PCYOX1: variants seen among roughly 807,000 people sequenced by gnomAD.
PCYOX1 encodes prenylcysteine oxidase 1.
In PCYOX1, 46 loss-of-function variants were observed where a neutral mutation model predicts 46.4. The ratio of observed to expected loss-of-function variants is 0.99; its 90% CI spans 0.78 to 1.27. The LOEUF (loss-of-function observed/expected upper bound fraction) is 1.27, where lower values mean the gene tolerates loss of function less well. Among genes scored for constraint, PCYOX1 ranks in the 50% most tolerant of loss-of-function variants. The pLI, the probability that PCYOX1 is intolerant of heterozygous loss-of-function variation, is 0.00. For missense variants in PCYOX1, 658 were observed against 628.3 expected (o/e 1.05, Z -0.51); for synonymous variants, 220 against 231.8 (o/e 0.95, Z 0.46).
Position 70,259,361 on chromosome 2 carries a change from G to A in PCYOX1, c.114G>A (p.Ala38=). The change falls in exon 2 of 6, where the codon GCG becomes GCA. Residue 38 remains alanine (A), a splice_region_variant and synonymous_variant. Transcript: ENST00000433351. Reference sequence around the variant, plus strand: ...ATCTTCTGTTTTTTTCCCTCATAGCGATTATTGGAGCCGGAATTGGTGGCA... The same window carrying A: ...ATCTTCTGTTTTTTTCCCTCATAGCAATTATTGGAGCCGGAATTGGTGGCA... ...AELRAPPDKI[A]IIGAGIGGTS... is the part of the protein sequence containing the mutation. The A allele has an allele frequency of 6.2e-7, 1 of 1,613,324 alleles. No homozygotes were observed. The highest frequency in any genetic ancestry group is 8.5e-7 in the Non-Finnish European group (1 of 1,179,404).
In PCYOX1 at chr2:70,280,676, T is replaced by G. The variant is rs1696760500; in HGVS notation, c.*3284T>G. On this transcript the variant is annotated 3_prime_UTR_variant, in exon 6 of 6. Transcript: ENST00000433351. ...TATAAAGAGTTGCTGAAAAATGGAG[T>G]AACAGTGTATGGGACTTCACATCAG... is the stretch of plus-strand genomic sequence containing the variant. The G allele has an allele frequency of 6.6e-6, 1 of 152,158 alleles. No individual in the cohort carries two copies. Among genetic ancestry groups the G allele is most frequent in the Non-Finnish European group, 1.5e-5 (1 of 68,032 alleles). 9.4% of individuals were successfully genotyped at this position (152,158 alleles called of 1,614,324 possible).
rs370425089 is a variant in PCYOX1 at position 70,275,616 on chromosome 2, T to C, written c.809T>C (p.Ile270Thr). 1.4e-5 allele frequency: 22 copies of C among 1,614,050 alleles called. No homozygotes were observed. The highest frequency in any genetic ancestry group is 1.6e-4 in the Middle Eastern group (1 of 6,084). ...GLLQASKSNL[I>T]SGSVMYIEEK... Reference sequence around the variant, plus strand: ...CTGCAGGCATCCAAAAGCAATCTTATATCTGGCTCAGTAATGTACATCGAG... The same window carrying C: ...CTGCAGGCATCCAAAAGCAATCTTACATCTGGCTCAGTAATGTACATCGAG... The change falls in exon 5 of 6, where the codon ATA becomes ACA. Residue 270 changes from isoleucine (I) to threonine (T), a missense_variant. By Grantham distance (89) the Ile-to-Thr change is moderately conservative. Coordinates refer to ENST00000433351, the MANE Select transcript of PCYOX1 (RefSeq NM_016297.4).
At position 70,277,254 on chromosome 2, in the gene PCYOX1, A is replaced by T. The variant is rs778690575; in HGVS notation, c.1380A>T (p.Ile460=). Reference sequence around the variant, plus strand: ...ATCGACTTTATTACCTCAATGGCATAGAGTGTGCAGCAAGTGCCATGGAGA... The same window carrying T: ...ATCGACTTTATTACCTCAATGGCATTGAGTGTGCAGCAAGTGCCATGGAGA... The part of the protein sequence containing the change: ...LHDRLYYLNG[I]ECAASAMEMS... The change falls in exon 6 of 6, where the codon ATA becomes ATT. Residue 460 remains isoleucine (I), a synonymous_variant. Transcript: ENST00000433351. 1.2e-6 allele frequency: 2 copies of T among 1,614,182 alleles called. No homozygotes were observed. The highest frequency in any genetic ancestry group is 2.2e-5 in the South Asian group (2 of 91,090).
chr2:70,277,317 C>G lies in PCYOX1; in HGVS notation c.1443C>G (p.Ala481=), dbSNP rs753711375. ...CAGCCCACAACGCTGCACTCCTTGC[C>G]TATCACCGCTGGAACGGGCACACAG... ...AIAAHNAALL[A]YHRWNGHTDM... is the part of the protein sequence containing the mutation. The change falls in exon 6 of 6, where the codon GCC becomes GCG. Residue 481 remains alanine (A), a synonymous_variant. Transcript: ENST00000433351. The G allele has an allele frequency of 1.2e-6, 2 of 1,613,958 alleles. No homozygotes were observed. The highest frequency in any genetic ancestry group is 2.2e-5 in the East Asian group (1 of 44,900).
intron 1 of PCYOX1, chr2:70,258,553 G>A (rs1030064954): frequency 2.5e-5 from 9 of 359,954 alleles, no homozygotes; most frequent in African/African-American, 2.0e-4. Flanking sequence ...TAGCGTACCT[G>A]TAGCCCCTGT....
chr2:70,262,417 C>T (rs980061081), intron 3 of PCYOX1, among the ~76,000 whole-genome samples: 39 of 151,734 alleles, frequency 2.6e-4, no homozygotes, highest in South Asian at 2.1e-4. Flanking sequence ...CCACCTGCCT[C>T]GGCCTCCCAA....
At chr2:70,274,920 C>G (rs760003520) in intron 3 of PCYOX1, 39 bp from the exon 4 acceptor site, 1 of 1,246,710 alleles carries the variant, frequency 8.0e-7, no homozygotes, top group African/African-American at 1.5e-5. Context: ...TTCCCCACAT[C>G]TTGTTTGGTA....
intron 5 of PCYOX1, among the ~76,000 whole-genome samples, chr2:70,276,319 G>A (rs1696671095): frequency 6.6e-6 from 1 of 151,768 alleles, no homozygotes; most frequent in African/African-American, 2.4e-5. Flanking sequence ...ATAGGCGCCT[G>A]CCTCAGCGTC....
Position 70,277,462 on chromosome 2 carries a change from C to T in PCYOX1, c.*70C>T, listed in dbSNP as rs1696689621. On this transcript the variant is annotated 3_prime_UTR_variant, in exon 6 of 6. Transcript: ENST00000433351. ...GTGGCAAAAAAGAACAAAATCTGAGCAGAGATGATTTTGAACCAGATATTT... is the reference window on the plus strand; with the variant it reads ...GTGGCAAAAAAGAACAAAATCTGAGTAGAGATGATTTTGAACCAGATATTT... 6.4e-6 allele frequency: 8 copies of T among 1,243,536 alleles called. No homozygotes were observed. Among genetic ancestry groups the T allele is most frequent in the Non-Finnish European group, 9.1e-6 (8 of 882,852 alleles). The allele number at this position is 1,243,536 out of a possible 1,614,324, so 77.0% of individuals were successfully genotyped here. A position where few individuals can be genotyped will look rare whatever the true frequency, so the allele number is the denominator to read the frequency against.
chr2:70,266,819 AT>A (rs978506791), intron 3 of PCYOX1, among the ~76,000 whole-genome samples: 26 of 152,216 alleles, frequency 1.7e-4, no homozygotes, highest in African/African-American at 5.8e-4. Flanking sequence ...AGGCAGAAGA[AT>A]TTCTCTTACT....
chr2:70,259,879 G>A (rs1056893481), intron 2 of PCYOX1, among the ~76,000 whole-genome samples: 1 of 151,958 alleles, frequency 6.6e-6, no homozygotes. Context: ...GCAATGGTGC[G>A]ATCTTGGCTC....
chr2:70,270,437 T>G (rs1432311663), intron 3 of PCYOX1, among the ~76,000 whole-genome samples: 1 of 152,230 alleles, frequency 6.6e-6, no homozygotes, highest in Non-Finnish European at 1.5e-5. Flanking sequence ...GTCCTTCCTC[T>G]GCCATTCTGG....
rs1475817394 is a variant in PCYOX1, at chr2:70,278,905, G to C, written c.*1513G>C. 1 of 152,146 alleles carries C rather than the reference G, an allele frequency of 6.6e-6. No homozygotes were observed. Among genetic ancestry groups the C allele is most frequent in the Non-Finnish European group, 1.5e-5 (1 of 68,036 alleles). 9.4% of individuals were successfully genotyped at this position (152,146 alleles called of 1,614,324 possible). On this transcript the variant is annotated 3_prime_UTR_variant, in exon 6 of 6. Coordinates refer to ENST00000433351, the MANE Select transcript of PCYOX1 (RefSeq NM_016297.4). ...AATTACAAAGGCCTAGACCAGCCTG[G>C]GCAACATGGTGAAACCCCATCTCTA...
rs920398836 is a variant in PCYOX1, at chr2:70,278,990, C to T, written c.*1598C>T. On this transcript the variant is annotated 3_prime_UTR_variant, in exon 6 of 6. Transcript: ENST00000433351. ...ATGCGCGCCTGTGGTCCCAGCTGCT[C>T]GGGAGGCTGAGGTGGGAGGATCACT... 6.6e-6 allele frequency: 1 copy of T among 151,760 alleles called. No homozygotes were observed. The highest frequency in any genetic ancestry group is 2.4e-5 in the African/African-American group (1 of 41,284). 9.4% of individuals were successfully genotyped at this position (151,760 alleles called of 1,614,324 possible).
rs777113568 is a variant in PCYOX1 at position 70,275,117 on chromosome 2, C to T, written c.653C>T (p.Ala218Val). ...FSEKFLNEMI[A>V]PVMRVNYGQS... The stretch of plus-strand genomic sequence containing the variant: ...GAGAAGTTCCTCAATGAAATGATTG[C>T]TCCTGTTATGAGGGTCAATTATGGC... The change falls in exon 4 of 6, where the codon GCT (alanine) becomes GTT (valine). Residue 218 changes from alanine to valine, a missense_variant. Transcript: ENST00000433351. 7 of 1,614,038 alleles carry T rather than the reference C, an allele frequency of 4.3e-6. No individual in the cohort carries two copies. Among genetic ancestry groups the T allele is most frequent in the South Asian group, 2.2e-5 (2 of 91,084 alleles).
chr2:70,267,171 C>T (rs892254652), intron 3 of PCYOX1, among the ~76,000 whole-genome samples: 8 of 151,190 alleles, frequency 5.3e-5, no homozygotes, highest in Non-Finnish European at 1.0e-4. Context: ...CGGGCAGAGG[C>T]GCTCTTCACA....
intron 2 of PCYOX1, among the ~76,000 whole-genome samples, chr2:70,260,835 A>G (rs1360374230): frequency 6.6e-6 from 1 of 152,078 alleles, no homozygotes; most frequent in African/African-American, 2.4e-5. Context: ...TTCCTCCACG[A>G]GGGCGAAGGT....
chr2:70,265,239 G>A (rs1433877701), intron 3 of PCYOX1, among the ~76,000 whole-genome samples: 1 of 130,992 alleles, frequency 7.6e-6, no homozygotes, highest in African/African-American at 2.9e-5. Context: ...GTCTTGCTCC[G>A]TCACCCAGGC....
Position 70,276,760 on chromosome 2 carries a change from G to A in PCYOX1, c.886G>A (p.Val296Ile). The A allele has an allele frequency of 6.2e-7, 1 of 1,601,590 alleles. No individual in the cohort carries two copies. The highest frequency in any genetic ancestry group is 8.5e-7 in the Non-Finnish European group (1 of 1,173,844). The stretch of plus-strand genomic sequence containing the variant: ...AAATCCAACAAAGATGTATGAAGTG[G>A]TCTACCAAATTGGAACTGAGACTCG... ...TGNPTKMYEVVYQIGTETRSD... is the reference protein window; with the variant it reads ...TGNPTKMYEVIYQIGTETRSD... Residue 296 changes from valine to isoleucine, a missense_variant, in exon 6 of 6, where the codon GTC becomes ATC. Val to Ile is a conservative substitution (Grantham distance 29). Coordinates refer to ENST00000433351, the MANE Select transcript of PCYOX1 (RefSeq NM_016297.4).
Sources: allele counts gnomAD v4.1 joint callset (sites outside exome capture counted in the v4.1 genomes callset), GRCh38; gene constraint gnomAD v4.1.1; transcripts MANE v1.5; gene names NCBI Gene and HGNC (gene_info 2026-07-23, HGNC 2026-07-21).